VWA5B2: variants seen among roughly 807,000 people sequenced by gnomAD.
VWA5B2 encodes the protein von Willebrand factor A domain containing 5B2.
Under a neutral mutation model 118.5 loss-of-function variants are expected in VWA5B2, and 93 were observed. That is an observed-to-expected ratio of 0.79 (90% CI 0.66 to 0.93). The LOEUF is 0.93. Among genes scored for constraint, VWA5B2 ranks in the 40% least tolerant of loss-of-function variants. The probability of loss-of-function intolerance (pLI) is 0.00; values close to 1 mark genes in which losing one functional copy is unlikely to be tolerated. For missense variants in VWA5B2, 1,546 were observed against 1,672.8 expected, an observed-to-expected ratio of 0.92 and a Z score of 1.32; for synonymous variants, 708 against 716.3, an observed-to-expected ratio of 0.99 and a Z score of 0.19.
chr3:184,237,781 C>A lies in VWA5B2; in HGVS notation c.1719+370C>A, dbSNP rs1277654669. Among the ~76,000 whole-genome samples, 3 of 152,210 alleles carry A rather than the reference C, an allele frequency of 2.0e-5. No homozygotes were observed. The East Asian group carries it at 5.8e-4, about 29-fold the overall frequency. On this transcript the variant is annotated intron_variant, in intron 12 of 19. Coordinates refer to ENST00000691901, the MANE Select transcript of VWA5B2 (RefSeq NM_001390846.1). The surrounding 1 kb of genome is among the most constrained non-coding windows in gnomAD (Gnocchi z 5.6). ...GCACCAGCCAGCGTATTTTCTGGGA[C>A]ACGCAGTGATGGATGAGCATAACCT...
chr3:184,233,722 G>A lies in VWA5B2; in HGVS notation c.677G>A (p.Cys226Tyr). 1 of 1,550,464 alleles carries A rather than the reference G, an allele frequency of 6.4e-7. No individual in the cohort carries two copies. Among genetic ancestry groups the A allele is most frequent in the Non-Finnish European group, 8.7e-7 (1 of 1,146,958 alleles). Residue 226 changes from cysteine to tyrosine, a missense_variant, in exon 5 of 20, where the codon TGC becomes TAC. Cys to Tyr is a radical substitution (Grantham distance 194, BLOSUM62 -2). Coordinates refer to ENST00000691901, the MANE Select transcript of VWA5B2 (RefSeq NM_001390846.1). This position sits in a 1 kb window ranked among gnomAD's most constrained non-coding sequence, Gnocchi z 5.2. The stretch of plus-strand genomic sequence containing the variant: ...TTCGAGATGCTGGTGACTGGGCCAT[G>A]CCTGCTTGCAGGTGGGTGCATCTGG... ...FSFEMLVTGP[C>Y]LLAGLESPSH...
At chr3:184,230,991 C>T in intron 3 of VWA5B2, 74 bp downstream of exon 3, 2 of 1,201,448 alleles carry the variant, frequency 1.7e-6, no homozygotes, top group Non-Finnish European at 2.1e-6. Flanking sequence ...GCTCGGCCTC[C>T]GCCCGTCCCC....
Position 184,240,852 on chromosome 3 carries a change from C to A in VWA5B2, c.2802C>A (p.Ser934=), listed in dbSNP as rs1257766282. The A allele has an allele frequency of 6.4e-7, 1 of 1,551,722 alleles. No homozygotes were observed. Among genetic ancestry groups the A allele is most frequent in the Admixed American group, 2.0e-5 (1 of 51,006 alleles). The change falls in exon 17 of 20, where the codon TCC becomes TCA. Residue 934 remains serine (S), a synonymous_variant. Transcript: ENST00000691901. ...CAAGTAAGGTCAGCTCTGCCCCCTC[C>A]TGCTTCACTTGCCCTGTAGCTGTGG... ...LQTSKVSSAP[S]CFTCPVAVDA...
intron 3 of VWA5B2, among the ~76,000 whole-genome samples, chr3:184,231,788 G>C (rs1299208928): frequency 2.0e-5 from 3 of 152,230 alleles, no homozygotes; most frequent in African/African-American, 7.2e-5. Context: ...CTGCCCAGGG[G>C]ATTTGCAATC....
rs1437967065 is a variant in VWA5B2 at position 184,239,464 on chromosome 3, C to T, written c.2273C>T (p.Ser758Phe). 3 of 1,550,092 alleles carry T rather than the reference C, an allele frequency of 1.9e-6. No homozygotes were observed. The highest frequency in any genetic ancestry group is 8.7e-7 in the Non-Finnish European group (1 of 1,146,540). The stretch of plus-strand genomic sequence containing the variant: ...GCTCTGGCTGGCCGAAGCCTCTCAT[C>T]CCCTCCAGGCCGGGCAAACCAAGTC... ...RAALAGRSLS[S>F]PPGRANQVPG... Residue 758 changes from serine (S) to phenylalanine (F), a missense_variant, in exon 15 of 20, where the codon TCC (serine) becomes TTC (phenylalanine). Physicochemically the swap from Ser to Phe is radical, Grantham distance 155. Around this residue, in one of 3 missense-constraint regions of VWA5B2, gnomAD observed 763 missense variants for 766.6 expected, o/e 1.00. Transcript: ENST00000691901. The surrounding 1 kb of genome is among the most constrained non-coding windows in gnomAD (Gnocchi z 5.1).
rs1355129913 is a variant in VWA5B2 at position 184,237,839 on chromosome 3, A to G, written c.1719+428A>G. Reference sequence around the variant, plus strand: ...ATCTCTAATCCCAGCTCTGTCACTTACCAGCCATTTGATTTGAGCAAGTCA... The same window carrying G: ...ATCTCTAATCCCAGCTCTGTCACTTGCCAGCCATTTGATTTGAGCAAGTCA... On this transcript the variant is annotated intron_variant, in intron 12 of 19. Transcript: ENST00000691901. The surrounding 1 kb of genome is among the most constrained non-coding windows in gnomAD (Gnocchi z 5.6). Among the ~76,000 whole-genome samples, 1 of 152,136 alleles carries G rather than the reference A, an allele frequency of 6.6e-6. No individual in the cohort carries two copies. The highest frequency in any genetic ancestry group is 1.5e-5 in the Non-Finnish European group (1 of 68,028).
Position 184,241,896 on chromosome 3 carries a change from G to A in VWA5B2, c.3587G>A (p.Cys1196Tyr). The A allele has an allele frequency of 6.5e-7, 1 of 1,547,640 alleles. No individual in the cohort carries two copies. The highest frequency in any genetic ancestry group is 8.7e-7 in the Non-Finnish European group (1 of 1,146,806). Residue 1196 changes from cysteine to tyrosine, a missense_variant, in exon 20 of 20, where the codon TGC (cysteine) becomes TAC (tyrosine). Physicochemically the swap from Cys to Tyr is radical, Grantham distance 194 (BLOSUM62 -2). This residue lies in a region of VWA5B2 where 763 missense variants were observed against 766.6 expected (regional missense o/e 1.00). Transcript: ENST00000691901. This position sits in a 1 kb window ranked among gnomAD's most constrained non-coding sequence, Gnocchi z 5.1. ...GAACTGACAGCGGCCAAGGCTGATT[G>A]CTGGCTGCGGGCCCAGCACTTGCCT... ...EWELTAAKAD[C>Y]WLRAQHLPDG...
Position 184,239,440 on chromosome 3 carries a change from C to T in VWA5B2, c.2249C>T (p.Ala750Val). The change falls in exon 15 of 20, where the codon GCT becomes GTT. Residue 750 changes from alanine to valine, a missense_variant. Physicochemically the swap from Ala to Val is moderately conservative, Grantham distance 64. This residue lies in a region of VWA5B2 where 763 missense variants were observed against 766.6 expected (regional missense o/e 1.00). Transcript: ENST00000691901. The surrounding 1 kb of genome is among the most constrained non-coding windows in gnomAD (Gnocchi z 5.1). ...TEVLGRQHRA[A>V]LAGRSLSSPP... ...GTGCTGGGCCGTCAGCACAGAGCGGCTCTGGCTGGCCGAAGCCTCTCATCC... is the reference window on the plus strand; with the variant it reads ...GTGCTGGGCCGTCAGCACAGAGCGGTTCTGGCTGGCCGAAGCCTCTCATCC... 6.5e-7 allele frequency: 1 copy of T among 1,549,886 alleles called. No homozygotes were observed. The highest frequency in any genetic ancestry group is 8.7e-7 in the Non-Finnish European group (1 of 1,146,444).
rs1718406550 is a variant in VWA5B2 at position 184,239,997 on chromosome 3, C to T, written c.2701C>T (p.Leu901=). The part of the protein sequence containing the change: ...AASVVRDNEQ[L]ALRGGAETTA... ...CTCTGTGGTCCGGGACAATGAGCAG[C>T]TGGCCCTCCGAGGAGGGGCAGAGAC... Residue 901 remains leucine (L), a synonymous_variant, in exon 16 of 20, where the codon CTG becomes TTG. Coordinates refer to ENST00000691901, the MANE Select transcript of VWA5B2 (RefSeq NM_001390846.1). This position sits in a 1 kb window ranked among gnomAD's most constrained non-coding sequence, Gnocchi z 5.1. The T allele has an allele frequency of 9.7e-6, 15 of 1,549,322 alleles. No individual in the cohort carries two copies. The highest frequency in any genetic ancestry group is 1.3e-5 in the Non-Finnish European group (15 of 1,146,128).
chr3:184,235,580 A>T (rs977888530), intron 8 of VWA5B2, among the ~76,000 whole-genome samples: 1 of 152,142 alleles, frequency 6.6e-6, no homozygotes, highest in African/African-American at 2.4e-5. Flanking sequence ...ACTCGCACTC[A>T]GTCACAGGGA....
At position 184,241,050 on chromosome 3, in the gene VWA5B2, C is replaced by T. The variant is rs760424488; in HGVS notation, c.2905C>T (p.Pro969Ser). ...GCCCGCTGAGCCCCCAGGAACCCCT[C>T]CTGCCTCTCACAGCCATCTAGATGC... ...SEPAEPPGTP[P>S]ASHSHLDAAP... Residue 969 changes from proline (P) to serine (S), a missense_variant, in exon 18 of 20, where the codon CCT becomes TCT. Pro to Ser is a moderately conservative substitution (Grantham distance 74, BLOSUM62 -1). Transcript: ENST00000691901. This position sits in a 1 kb window ranked among gnomAD's most constrained non-coding sequence, Gnocchi z 5.1. 329 of 1,551,638 alleles carry T rather than the reference C, an allele frequency of 2.1e-4. 1 individual carries two copies. Among genetic ancestry groups the T allele is most frequent in the Non-Finnish European group, 2.7e-4 (315 of 1,147,012 alleles).
intron 3 of VWA5B2, chr3:184,232,730 C>T (rs905789434): frequency 6.0e-6 from 1 of 165,458 alleles, no homozygotes; most frequent in Admixed American, 6.0e-5. Flanking sequence ...TCTGGAGCCA[C>T]CTTAGTGGGC....
In VWA5B2 at chr3:184,236,473, T is replaced by C. The variant is rs1718011760; in HGVS notation, c.1343T>C (p.Leu448Pro). The C allele has an allele frequency of 6.5e-7, 1 of 1,546,936 alleles. No individual in the cohort carries two copies. The change falls in exon 10 of 20, where the codon CTG (leucine) becomes CCG (proline). Residue 448 changes from leucine to proline, a missense_variant. By Grantham distance (98) the Leu-to-Pro change is moderately conservative. Transcript: ENST00000691901. Reference protein sequence around the residue: ...QHRAYPRQLFLLTAASPMAAT... With the variant: ...QHRAYPRQLFPLTAASPMAAT... Reference sequence around the variant, plus strand: ...AGGGCCTACCCTCGGCAGCTGTTCCTGCTCACTGCTGCCTCACCCATGGCC... The same window carrying C: ...AGGGCCTACCCTCGGCAGCTGTTCCCGCTCACTGCTGCCTCACCCATGGCC...
intron 3 of VWA5B2, among the ~76,000 whole-genome samples, chr3:184,231,441 C>T (rs1047474209): frequency 2.0e-5 from 3 of 152,238 alleles, no homozygotes. Context: ...CTCTGTCTTT[C>T]CATCTTCTAT....
chr3:184,230,754 C>T lies in VWA5B2; in HGVS notation c.147C>T (p.Phe49=). 8.2e-7 allele frequency: 1 copy of T among 1,223,606 alleles called. No homozygotes were observed. Among genetic ancestry groups the T allele is most frequent in the Non-Finnish European group, 1.0e-6 (1 of 983,622 alleles). The allele number at this position is 1,223,606 out of a possible 1,614,324, so 75.8% of individuals were successfully genotyped here. A position where few individuals can be genotyped will look rare whatever the true frequency, so the allele number is the denominator to read the frequency against. ...TCCCGCCGCCCTCCCCAGGCGTGTT[C>T]GTGTACCCGCTGGCCGAGGCCGAGG... ...NPQPQPVDGV[F]VYPLAEAEVV... is the part of the protein sequence containing the mutation. The change falls in exon 3 of 20, where the codon TTC becomes TTT. Residue 49 remains phenylalanine, a synonymous_variant. Transcript: ENST00000691901.
Position 184,242,121 on chromosome 3 carries a change from G to T in VWA5B2, c.*83G>T. Reference sequence around the variant, plus strand: ...CCCAGGGCTGGCCTCTTGGTGCTGGGAAAGTGTAGGCTGGTGCCAGCCTGT... The same window carrying T: ...CCCAGGGCTGGCCTCTTGGTGCTGGTAAAGTGTAGGCTGGTGCCAGCCTGT... On this transcript the variant is annotated 3_prime_UTR_variant, in exon 20 of 20. Transcript: ENST00000691901. 1 of 1,483,828 alleles carries T rather than the reference G, an allele frequency of 6.7e-7. No homozygotes were observed. The highest frequency in any genetic ancestry group is 1.7e-4 in the Middle Eastern group (1 of 5,802). 91.9% of individuals were successfully genotyped at this position (1,483,828 alleles called of 1,614,324 possible). A position where few individuals can be genotyped will look rare whatever the true frequency, so the allele number is the denominator to read the frequency against.
At chr3:184,230,212 C>T (rs1283875435) in intron 1 of VWA5B2, among the ~76,000 whole-genome samples, 168 bp from the exon 2 acceptor site, 2 of 152,180 alleles carry the variant, frequency 1.3e-5, no homozygotes, top group Non-Finnish European at 2.9e-5. Context: ...GGTGGAACAG[C>T]TGTGACCGCC....
intron 1 of VWA5B2, among the ~76,000 whole-genome samples, 146 bp downstream of exon 1, chr3:184,229,859 G>C (rs574004792): frequency 6.6e-6 from 1 of 152,238 alleles, no homozygotes; most frequent in African/African-American, 2.4e-5. Flanking sequence ...GGCTCCCACG[G>C]ACTCTCCCTG....
chr3:184,239,375 C>T lies in VWA5B2; in HGVS notation c.2203-19C>T, dbSNP rs1188627677. On this transcript the variant is annotated intron_variant, in intron 14 of 19. Coordinates refer to ENST00000691901, the MANE Select transcript of VWA5B2 (RefSeq NM_001390846.1). The surrounding 1 kb of genome is among the most constrained non-coding windows in gnomAD (Gnocchi z 5.1). ...GGTTCTGCATTCCTTGACCAGTGGCCCCCATATCTCACATGCAGGTGGGGG... is the reference window on the plus strand; with the variant it reads ...GGTTCTGCATTCCTTGACCAGTGGCTCCCATATCTCACATGCAGGTGGGGG... The T allele has an allele frequency of 2.6e-6, 4 of 1,520,012 alleles. No homozygotes were observed. Among genetic ancestry groups the T allele is most frequent in the Admixed American group, 2.1e-5 (1 of 48,384 alleles). The allele number at this position is 1,520,012 out of a possible 1,614,324, so 94.2% of individuals were successfully genotyped here. A position where few individuals can be genotyped will look rare whatever the true frequency, so the allele number is the denominator to read the frequency against.
Sources: allele counts gnomAD v4.1 joint callset (sites outside exome capture counted in the v4.1 genomes callset), GRCh38; gene constraint gnomAD v4.1.1; regional missense constraint gnomAD v4.1.1; non-coding constraint Gnocchi (gnomAD v3.1); transcripts MANE v1.5; gene names NCBI Gene and HGNC (gene_info 2026-07-23, HGNC 2026-07-21).